SMO: variants seen among roughly 807,000 people sequenced by gnomAD.
The protein encoded by SMO is protein smoothened.
Under a neutral mutation model 81.6 loss-of-function variants are expected in SMO, and 40 were observed. That is an observed-to-expected ratio of 0.49 (90% CI 0.38 to 0.64). The LOEUF (loss-of-function observed/expected upper bound fraction) is 0.64, where lower values mean the gene tolerates loss of function less well. SMO is among the 30% of genes least tolerant of loss of function. SMO has a pLI of 0.00. For synonymous variants in SMO, 434 were observed against 432.1 expected (o/e 1.00, Z -0.05); for missense variants, 916 against 1,061.1 (o/e 0.86, Z 1.90).
rs2150656637 is a variant in SMO, at chr7:129,212,170, GC to G, written c.2087del (p.Pro696LeufsTer80). On this transcript the variant is annotated frameshift_variant, in exon 12 of 12. Transcript: ENST00000249373. LOFTEE classifies it high-confidence loss of function. This position sits in a 1 kb window ranked among gnomAD's most constrained non-coding sequence, Gnocchi z 5.0. ...LAPPPELHPPAPAPSTIPRLP... is the reference protein window; with the variant it reads ...LAPPPELHPPXPAPSTIPRLP... ...GCCGCCCCCTGAGCTTCACCCCCCT[GC>G]CCCTGCCCCCAGTACCATTCCTCGA... 1 of 1,555,200 alleles carries G rather than the reference GC, an allele frequency of 6.4e-7. No homozygotes were observed. The highest frequency in any genetic ancestry group is 1.2e-5 in the South Asian group (1 of 84,712).
rs749422445 is a variant in SMO at position 129,203,377 on chromosome 7, C to T, written c.332-7C>T. On this transcript the variant is annotated splice_polypyrimidine_tract_variant and splice_region_variant and intron_variant, in intron 1 of 11. Transcript: ENST00000249373. Reference sequence around the variant, plus strand: ...GGCCTTCACTGCAATGCTGTTGCCACCCCCAGGCCTCCGGAATGCCCCCCG... The same window carrying T: ...GGCCTTCACTGCAATGCTGTTGCCATCCCCAGGCCTCCGGAATGCCCCCCG... The T allele has an allele frequency of 1.3e-6, 2 of 1,547,802 alleles. No individual in the cohort carries two copies.
rs1035939263 is a variant in SMO at position 129,212,993 on chromosome 7, G to A, written c.*542G>A. Reference sequence around the variant, plus strand: ...GGTGTTTGTGGGGCTGGAAGGACCTGCTCCCACAGGGGCCATGTCCTCTCT... The same window carrying A: ...GGTGTTTGTGGGGCTGGAAGGACCTACTCCCACAGGGGCCATGTCCTCTCT... On this transcript the variant is annotated 3_prime_UTR_variant, in exon 12 of 12. Transcript: ENST00000249373. The surrounding 1 kb of genome is among the most constrained non-coding windows in gnomAD (Gnocchi z 5.0). The A allele has an allele frequency of 3.8e-6, 1 of 264,736 alleles. No homozygotes were observed. Among genetic ancestry groups the A allele is most frequent in the East Asian group, 5.3e-5 (1 of 18,874 alleles). The allele number at this position is 264,736 out of a possible 1,614,324, so 16.4% of individuals were successfully genotyped here. A position where few individuals can be genotyped will look rare whatever the true frequency, so the allele number is the denominator to read the frequency against.
At chr7:129,205,579 C>A (rs774154256) in intron 3 of SMO, 31 bp from the exon 4 acceptor site, 50 of 1,601,262 alleles carry the variant, frequency 3.1e-5, no homozygotes, top group Non-Finnish European at 4.3e-5. Context: ...ATAACCCTAA[C>A]CTCACAGAAT....
chr7:129,205,619 G>A lies in SMO; in HGVS notation c.757G>A (p.Val253Met), dbSNP rs1312610843. 3.7e-6 allele frequency: 6 copies of A among 1,613,402 alleles called. No individual in the cohort carries two copies. Among genetic ancestry groups the A allele is most frequent in the South Asian group, 2.2e-5 (2 of 91,084 alleles). ...LCTLFTLATF[V>M]ADWRNSNRYP... ...CACTTCTCTCTTCTAGGCCACATTC[G>A]TGGCTGACTGGCGGAACTCGAATCG... is the stretch of plus-strand genomic sequence containing the variant. Residue 253 changes from valine to methionine, a missense_variant, in exon 4 of 12, where the codon GTG (valine) becomes ATG (methionine). By Grantham distance (21) the Val-to-Met change is conservative. Transcript: ENST00000249373.
intron 8 of SMO, 57 bp downstream of exon 8, chr7:129,209,454 C>T (rs1245258367): frequency 1.2e-5 from 12 of 1,018,674 alleles, no homozygotes; most frequent in Non-Finnish European, 1.8e-5. Flanking sequence ...GCCATAAAGA[C>T]ACCCACCTCC....
chr7:129,203,059 C>T (rs2150646208), intron 1 of SMO, among the ~76,000 whole-genome samples: 1 of 152,292 alleles, frequency 6.6e-6, no homozygotes, highest in South Asian at 2.1e-4. Flanking sequence ...AGAAGTAAAA[C>T]ATTCCCAGCA....
chr7:129,201,610 A>G (rs1375643476), intron 1 of SMO, among the ~76,000 whole-genome samples: 2 of 152,038 alleles, frequency 1.3e-5, no homozygotes, highest in East Asian at 3.8e-4. Context: ...AATCCCTGGC[A>G]CCCACTGCTC....
rs1157794197 is a variant in SMO, at chr7:129,205,313, G to C, written c.648G>C (p.Gln216His). 1 of 1,614,230 alleles carries C rather than the reference G, an allele frequency of 6.2e-7. No homozygotes were observed. The highest frequency in any genetic ancestry group is 8.5e-7 in the Non-Finnish European group (1 of 1,180,028). ...WYEDVEGCGI[Q>H]CQNPLFTEAE... Reference sequence around the variant, plus strand: ...AGGACGTGGAGGGCTGCGGCATCCAGTGCCAGAACCCGCTCTTCACAGAGG... The same window carrying C: ...AGGACGTGGAGGGCTGCGGCATCCACTGCCAGAACCCGCTCTTCACAGAGG... Residue 216 changes from glutamine (Q) to histidine (H), a missense_variant, in exon 3 of 12, where the codon CAG becomes CAC. This residue lies in a region of SMO where 436 missense variants were observed against 570.9 expected (regional missense o/e 0.76). Coordinates refer to ENST00000249373, the MANE Select transcript of SMO (RefSeq NM_005631.5).
At chr7:129,193,105 A>G (rs1793503009) in intron 1 of SMO, among the ~76,000 whole-genome samples, 1 of 152,182 alleles carries the variant, frequency 6.6e-6, no homozygotes, top group Non-Finnish European at 1.5e-5. Flanking sequence ...CTGACCAGAC[A>G]AACATAATGT....
chr7:129,198,560 GA>G (rs1793618870), intron 1 of SMO, among the ~76,000 whole-genome samples: 1 of 152,230 alleles, frequency 6.6e-6, no homozygotes, highest in South Asian at 2.1e-4. Flanking sequence ...ATGCACCCCA[GA>G]AGGAGATTTT....
rs779384205 is a variant in SMO, at chr7:129,212,442, G to A, written c.2355G>A (p.Ser785=). 1.1e-4 allele frequency: 182 copies of A among 1,610,142 alleles called. No homozygotes were observed. The highest frequency in any genetic ancestry group is 4.1e-5 in the Non-Finnish European group (48 of 1,177,220). The part of the protein sequence containing the change: ...LMDTELMDAD[S]DF ...ACACAGAACTCATGGATGCAGACTC[G>A]GACTTCTGAGCCTGCAGAGCAGGAC... Residue 785 remains serine, a synonymous_variant, in exon 12 of 12, where the codon TCG becomes TCA. Coordinates refer to ENST00000249373, the MANE Select transcript of SMO (RefSeq NM_005631.5). This position sits in a 1 kb window ranked among gnomAD's most constrained non-coding sequence, Gnocchi z 5.0.
Position 129,212,359 on chromosome 7 carries a change from T to G in SMO, c.2272T>G (p.Trp758Gly). ...GCCCAGTGCACCGGCCCCCGTGGCA[T>G]GGGCTCATGGCCGCCGACAGGGCCT... is the stretch of plus-strand genomic sequence containing the variant. ...FLPSAPAPVAWAHGRRQGLGP... is the reference protein window; with the variant it reads ...FLPSAPAPVAGAHGRRQGLGP... Residue 758 changes from tryptophan to glycine, a missense_variant, in exon 12 of 12, where the codon TGG becomes GGG. Trp to Gly is a radical substitution (Grantham distance 184, BLOSUM62 -2). Transcript: ENST00000249373. This position sits in a 1 kb window ranked among gnomAD's most constrained non-coding sequence, Gnocchi z 5.0. The G allele has an allele frequency of 6.2e-7, 1 of 1,614,072 alleles. No individual in the cohort carries two copies. Among genetic ancestry groups the G allele is most frequent in the Non-Finnish European group, 8.5e-7 (1 of 1,180,026 alleles).
At chr7:129,195,970 G>A (rs1255402399) in intron 1 of SMO, among the ~76,000 whole-genome samples, 1 of 151,738 alleles carries the variant, frequency 6.6e-6, no homozygotes, top group East Asian at 1.9e-4. Flanking sequence ...GCGCGGTGGT[G>A]GGCGCCTGTA....
rs573380558 is a variant in SMO, at chr7:129,212,748, A to G, written c.*297A>G. 26 of 457,068 alleles carry G rather than the reference A, an allele frequency of 5.7e-5. No individual in the cohort carries two copies. The South Asian group carries it at 8.6e-4, about 15-fold the overall frequency. The allele number at this position is 457,068 out of a possible 1,614,324, so 28.3% of individuals were successfully genotyped here. A position where few individuals can be genotyped will look rare whatever the true frequency, so the allele number is the denominator to read the frequency against. On this transcript the variant is annotated 3_prime_UTR_variant, in exon 12 of 12. Transcript: ENST00000249373. This position sits in a 1 kb window ranked among gnomAD's most constrained non-coding sequence, Gnocchi z 5.0. ...TGCTCCATCGGGGCAGGGGGTATGC[A>G]GAGCTTGTGGTGGGGCAGGAACGGT...
Position 129,189,310 on chromosome 7 carries a change from G to C in SMO, c.159G>C (p.Ala53=), listed in dbSNP as rs994146134. Residue 53 remains alanine (A), a synonymous_variant, in exon 1 of 12, where the codon GCG becomes GCC. Coordinates refer to ENST00000249373, the MANE Select transcript of SMO (RefSeq NM_005631.5). The surrounding 1 kb of genome is among the most constrained non-coding windows in gnomAD (Gnocchi z 4.7). ...SAGGSARRSA[A]VTGPPPPLSH... is the part of the protein sequence containing the mutation. ...GCGGGAGCGCGAGGAGGAGCGCGGCGGTGACTGGCCCTCCGCCGCCGCTGA... is the reference window on the plus strand; with the variant it reads ...GCGGGAGCGCGAGGAGGAGCGCGGCCGTGACTGGCCCTCCGCCGCCGCTGA... 2.7e-5 allele frequency: 40 copies of C among 1,479,142 alleles called. No individual in the cohort carries two copies. The highest frequency in any genetic ancestry group is 3.3e-5 in the Non-Finnish European group (37 of 1,123,704). 91.6% of individuals were successfully genotyped at this position (1,479,142 alleles called of 1,614,324 possible).
chr7:129,210,192 G>T lies in SMO; in HGVS notation c.1467-171G>T. 1 of 586,688 alleles carries T rather than the reference G, an allele frequency of 1.7e-6. No individual in the cohort carries two copies. Among genetic ancestry groups the T allele is most frequent in the Non-Finnish European group, 3.0e-6 (1 of 329,740 alleles). 36.3% of individuals were successfully genotyped at this position (586,688 alleles called of 1,614,324 possible). A position where few individuals can be genotyped will look rare whatever the true frequency, so the allele number is the denominator to read the frequency against. ...TCAGAAAACCCCACCTGTAGTCCCA[G>T]CTACTTGGGAGGCTGAAGCAGGAGA... On this transcript the variant is annotated intron_variant, in intron 8 of 11. Coordinates refer to ENST00000249373, the MANE Select transcript of SMO (RefSeq NM_005631.5). The surrounding 1 kb of genome is among the most constrained non-coding windows in gnomAD (Gnocchi z 4.7).
chr7:129,203,521 G>A lies in SMO; in HGVS notation c.469G>A (p.Val157Met), dbSNP rs774536425. ...CQATRGPCAI[V>M]ERERGWPDFL... ...GGCCACCCGAGGCCCCTGTGCCATCGTGGAGAGGGAGCGGGGCTGGCCTGA... is the reference window on the plus strand; with the variant it reads ...GGCCACCCGAGGCCCCTGTGCCATCATGGAGAGGGAGCGGGGCTGGCCTGA... Residue 157 changes from valine to methionine, a missense_variant, in exon 2 of 12, where the codon GTG becomes ATG. Physicochemically the swap from Val to Met is conservative, Grantham distance 21 (BLOSUM62 1). Around this residue, in one of 4 missense-constraint regions of SMO, gnomAD observed 436 missense variants for 570.9 expected, o/e 0.76. Coordinates refer to ENST00000249373, the MANE Select transcript of SMO (RefSeq NM_005631.5). 5 of 1,608,036 alleles carry A rather than the reference G, an allele frequency of 3.1e-6. No homozygotes were observed. In the South Asian group the frequency reaches 4.4e-5, roughly 14 times the overall value.
At chr7:129,198,854 A>G (rs1255789705) in intron 1 of SMO, among the ~76,000 whole-genome samples, 1 of 152,244 alleles carries the variant, frequency 6.6e-6, no homozygotes, top group East Asian at 1.9e-4. Context: ...CACATTTCAC[A>G]GAAGATATCC....
intron 1 of SMO, among the ~76,000 whole-genome samples, chr7:129,190,949 C>A (rs1250339518): frequency 2.6e-5 from 4 of 152,080 alleles, no homozygotes; most frequent in African/African-American, 9.7e-5. Context: ...TTTAAAGTTA[C>A]ATTCATGCAA....
Sources: allele counts gnomAD v4.1 joint callset (sites outside exome capture counted in the v4.1 genomes callset), GRCh38; gene constraint gnomAD v4.1.1; regional missense constraint gnomAD v4.1.1; non-coding constraint Gnocchi (gnomAD v3.1); transcripts MANE v1.5; gene names NCBI Gene and HGNC (gene_info 2026-07-23, HGNC 2026-07-21).